Variants in LAMB3 observed in about 807,000 individuals in gnomAD.
LAMB3 encodes laminin subunit beta 3.
Under a neutral mutation model 140.3 loss-of-function variants are expected in LAMB3, and 104 were observed. The ratio of observed to expected loss-of-function variants is 0.74; its 90% CI spans 0.63 to 0.87. LAMB3 has a LOEUF of 0.87. Among genes scored for constraint, LAMB3 ranks in the 40% least tolerant of loss-of-function variants. The pLI is 0.00. For missense variants in LAMB3, 1,531 were observed against 1,575.2 expected (o/e 0.97, Z 0.47); for synonymous variants, 592 against 602.9 (o/e 0.98, Z 0.26).
intron 5 of LAMB3, among the ~76,000 whole-genome samples, chr1:209,635,212 T>C (rs1293321574): frequency 6.6e-6 from 1 of 152,148 alleles, no homozygotes; most frequent in African/African-American, 2.4e-5. Flanking sequence ...GCTCCCAGCT[T>C]GAACAACTTC....
At chr1:209,634,777 T>C in intron 5 of LAMB3, 139 bp from the exon 6 acceptor site, 2 of 677,634 alleles carry the variant, frequency 3.0e-6, no homozygotes, top group Non-Finnish European at 5.1e-6. Context: ...AGCATCCGGG[T>C]CCAAACCTCC....
rs749072083 is a variant in LAMB3 at position 209,623,009 on chromosome 1, A to C, written c.2529T>G (p.Asn843Lys). 17 of 1,613,666 alleles carry C rather than the reference A, an allele frequency of 1.1e-5. No homozygotes were observed. Among genetic ancestry groups the C allele is most frequent in the Non-Finnish European group, 1.4e-5 (16 of 1,180,006 alleles). ...TCTGCCTGGTCCGCTGGAGCTGGGCATTGAAGCCCCGCAGCTGCTCAGCCA... is the reference window on the plus strand; with the variant it reads ...TCTGCCTGGTCCGCTGGAGCTGGGCCTTGAAGCCCCGCAGCTGCTCAGCCA... ...GQVAEQLRGF[N>K]AQLQRTRQMI... The change falls in exon 17 of 23, where the codon AAT (asparagine) becomes AAG (lysine). Residue 843 changes from asparagine to lysine, a missense_variant. Physicochemically the swap from Asn to Lys is moderately conservative, Grantham distance 94. Coordinates refer to ENST00000356082, the MANE Select transcript of LAMB3 (RefSeq NM_000228.3). The surrounding 1 kb of genome is among the most constrained non-coding windows in gnomAD (Gnocchi z 4.2).
At chr1:209,630,584 C>G (rs530447709) in intron 9 of LAMB3, 31 bp downstream of exon 9, 3 of 1,613,952 alleles carry the variant, frequency 1.9e-6, no homozygotes, top group Non-Finnish European at 2.5e-6. Context: ...GACCCAGACC[C>G]TACAGGGGAG....
chr1:209,629,810 C>T lies in LAMB3; in HGVS notation c.1059G>A (p.Lys353=). ...AGTGCAGCTGACACCGCTCACAGTT[C>T]TTGCCTTCGGTGTGGTCCCGGCAAT... ...CDNCRDHTEG[K]NCERCQLHYF... The change falls in exon 10 of 23, where the codon AAG becomes AAA. Residue 353 remains lysine (K), a synonymous_variant. Coordinates refer to ENST00000356082, the MANE Select transcript of LAMB3 (RefSeq NM_000228.3). 1 of 1,614,236 alleles carries T rather than the reference C, an allele frequency of 6.2e-7. No homozygotes were observed. The highest frequency in any genetic ancestry group is 8.5e-7 in the Non-Finnish European group (1 of 1,180,050).
chr1:209,629,907 T>A lies in LAMB3; in HGVS notation c.962A>T (p.His321Leu), dbSNP rs1666616515. The change falls in exon 10 of 23, where the codon CAC becomes CTC. Residue 321 changes from histidine to leucine, a missense_variant. His to Leu is a moderately conservative substitution (Grantham distance 99, BLOSUM62 -3). Coordinates refer to ENST00000356082, the MANE Select transcript of LAMB3 (RefSeq NM_000228.3). Reference sequence around the variant, plus strand: ...GGGGTCAAAGTGACATGTCTCTGAGTGCCCATTGCAGTCGCACCCTGGAAA... The same window carrying A: ...GGGGTCAAAGTGACATGTCTCTGAGAGCCCATTGCAGTCGCACCCTGGAAA... ...HECQRCDCNG[H>L]SETCHFDPAV... 1.2e-6 allele frequency: 2 copies of A among 1,614,010 alleles called. No individual in the cohort carries two copies. Among genetic ancestry groups the A allele is most frequent in the African/African-American group, 2.7e-5 (2 of 74,898 alleles).
chr1:209,617,874 C>T (rs1558147287), intron 20 of LAMB3, 33 bp downstream of exon 20: 3 of 1,613,964 alleles, frequency 1.9e-6, no homozygotes. Context: ...TGTTTATGCC[C>T]AAATATGGGC....
At chr1:209,651,879 G>T (rs188432120) in intron 1 of LAMB3, among the ~76,000 whole-genome samples, 39 of 150,618 alleles carry the variant, frequency 2.6e-4, no homozygotes, top group Middle Eastern at 3.5e-3. Context: ...AGGCAGGGGC[G>T]GGGGGGGAAA....
intron 18 of LAMB3, among the ~76,000 whole-genome samples, chr1:209,620,499 G>T (rs1449766302): frequency 6.6e-6 from 1 of 152,190 alleles, no homozygotes; most frequent in Non-Finnish European, 1.5e-5. Flanking sequence ...AAAGGCAAGA[G>T]GCAAGAGAAA....
chr1:209,633,681 C>T (rs1382551897), intron 6 of LAMB3, among the ~76,000 whole-genome samples: 2 of 152,138 alleles, frequency 1.3e-5, no homozygotes, highest in East Asian at 1.9e-4. Flanking sequence ...CATAGATTTG[C>T]GTAAGGGTAT....
chr1:209,650,901 G>A lies in LAMB3; in HGVS notation c.28+16C>T. Reference sequence around the variant, plus strand: ...GCCATATAACAGGGCCTGGAAGGATGGGAAGGGGTACTTACCAAAACACAA... The same window carrying A: ...GCCATATAACAGGGCCTGGAAGGATAGGAAGGGGTACTTACCAAAACACAA... On this transcript the variant is annotated intron_variant, in intron 2 of 22. Transcript: ENST00000356082. 6.2e-7 allele frequency: 1 copy of A among 1,613,680 alleles called. No individual in the cohort carries two copies. Among genetic ancestry groups the A allele is most frequent in the Non-Finnish European group, 8.5e-7 (1 of 1,179,580 alleles).
intron 11 of LAMB3, 114 bp from the exon 12 acceptor site, chr1:209,627,693 C>G: frequency 1.0e-6 from 1 of 994,056 alleles, no homozygotes; most frequent in East Asian, 2.6e-5. Context: ...AGGGCCCTTC[C>G]CTGCAGATGA....
chr1:209,618,093 A>T (rs762267829), intron 19 of LAMB3, 45 bp from the exon 20 acceptor site: 1 of 1,612,092 alleles, frequency 6.2e-7, no homozygotes. Context: ...GAATGAGTGA[A>T]CAGTGAATCA....
intron 18 of LAMB3, among the ~76,000 whole-genome samples, chr1:209,622,291 T>C (rs1283388148): frequency 6.6e-6 from 1 of 152,200 alleles, no homozygotes; most frequent in Non-Finnish European, 1.5e-5. Flanking sequence ...ATCTGACTTA[T>C]GCATTTTAAA....
intron 11 of LAMB3, 111 bp from the exon 12 acceptor site, chr1:209,627,690 T>C: frequency 9.9e-7 from 1 of 1,006,902 alleles, no homozygotes; most frequent in Non-Finnish European, 1.5e-6. Flanking sequence ...GGCAGGGCCC[T>C]TCCCTGCAGA....
intron 4 of LAMB3, 73 bp downstream of exon 4, chr1:209,638,461 A>T: frequency 1.0e-6 from 1 of 988,270 alleles, no homozygotes; most frequent in East Asian, 2.4e-5. Context: ...CCAAAGGGTT[A>T]TAGGGCACCT....
chr1:209,649,829 T>C (rs1353558204), intron 3 of LAMB3, 135 bp downstream of exon 3: 1 of 987,454 alleles, frequency 1.0e-6, no homozygotes, highest in Non-Finnish European at 1.6e-6. Context: ...CCTTATACTT[T>C]TACTGCACTC....
rs772200779 is a variant in LAMB3 at position 209,623,823 on chromosome 1, G to A, written c.2137+17C>T. 5.5e-5 allele frequency: 88 copies of A among 1,614,168 alleles called. No individual in the cohort carries two copies. The East Asian group carries it at 1.9e-3, about 36-fold the overall frequency. ...CAGTGCCCATGCCCGGGGTTATCCGGGTGCCCCTCTCCTCACCTGAAGGAT... is the reference window on the plus strand; with the variant it reads ...CAGTGCCCATGCCCGGGGTTATCCGAGTGCCCCTCTCCTCACCTGAAGGAT... On this transcript the variant is annotated intron_variant, in intron 15 of 22. Coordinates refer to ENST00000356082, the MANE Select transcript of LAMB3 (RefSeq NM_000228.3). The surrounding 1 kb of genome is among the most constrained non-coding windows in gnomAD (Gnocchi z 4.2).
chr1:209,617,738 A>G, intron 20 of LAMB3, 152 bp from the exon 21 acceptor site: 1 of 1,247,800 alleles, frequency 8.0e-7, no homozygotes, highest in East Asian at 2.5e-5. Flanking sequence ...TCTGCATCCC[A>G]GCCACAAGAC....
intron 3 of LAMB3, 57 bp downstream of exon 3, chr1:209,649,907 G>T: frequency 6.3e-7 from 1 of 1,585,162 alleles, no homozygotes; most frequent in Non-Finnish European, 8.7e-7. Context: ...TGGACAAATG[G>T]CAGCTCACAC....
Sources: gnomAD v4.1 joint callset for allele counts (sites outside exome capture counted in the v4.1 genomes callset) on GRCh38, gnomAD v4.1.1 for gene constraint, Gnocchi (gnomAD v3.1) non-coding constraint, MANE v1.5 for transcripts, NCBI Gene and HGNC (gene_info 2026-07-23, HGNC 2026-07-21) for gene names.